The following AOPEP variants were observed in gnomAD, a reference collection of about 807,000 sequenced individuals.
AOPEP encodes aminopeptidase O.
In AOPEP, 77 loss-of-function variants were observed where a neutral mutation model predicts 98.1. The ratio of observed to expected loss-of-function variants is 0.78; its 90% CI spans 0.65 to 0.95. The LOEUF is 0.95. Ranked by LOEUF, AOPEP falls within the 40% of genes least tolerant of loss-of-function variation. The pLI, the probability that AOPEP is intolerant of heterozygous loss-of-function variation, is 0.00. For synonymous variants in AOPEP, 346 were observed against 365.3 expected, an observed-to-expected ratio of 0.95 and a Z score of 0.60; for missense variants, 1,024 against 1,024.7, an observed-to-expected ratio of 1.00 and a Z score of 0.01.
chr9:94,932,056 A>T (rs568800724), intron 7 of AOPEP: 2 of 1,129,708 alleles, frequency 1.8e-6, no homozygotes, highest in Non-Finnish European at 2.2e-6. Flanking sequence ...AGGGATTTAA[A>T]CCCAGGGACG....
At chr9:95,087,595 G>A (rs2070799504), downstream of AOPEP, among the ~76,000 whole-genome samples, 1 of 146,384 alleles carries the variant, frequency 6.8e-6, no homozygotes, top group African/African-American at 2.5e-5. Context: ...GGTAGTGTTA[G>A]TTCTCTTAGA....
intron 16 of AOPEP, chr9:95,085,956 G>T: frequency 7.4e-7 from 1 of 1,344,084 alleles, no homozygotes. Flanking sequence ...TCCTGCGCCA[G>T]CAGACGGTGC....
At chr9:94,856,891 CA>C (rs2044290201) in intron 5 of AOPEP, among the ~76,000 whole-genome samples, 1 of 152,188 alleles carries the variant, frequency 6.6e-6, no homozygotes, top group Admixed American at 6.5e-5. Flanking sequence ...GCCCAACAGA[CA>C]GTACTAGAAG....
intron 5 of AOPEP, among the ~76,000 whole-genome samples, chr9:94,853,860 C>T (rs997693408): frequency 9.9e-5 from 15 of 152,158 alleles, no homozygotes; most frequent in Non-Finnish European, 1.5e-4. Context: ...CCATGGTACA[C>T]GCATGGAGAA....
chr9:94,925,605 C>T (rs1388098224), intron 6 of AOPEP, among the ~76,000 whole-genome samples: 1 of 152,168 alleles, frequency 6.6e-6, no homozygotes, highest in Non-Finnish European at 1.5e-5. Context: ...ATTTCCTTAT[C>T]CTCACACCTG....
At chr9:94,862,361 A>G (rs1356999926) in intron 5 of AOPEP, among the ~76,000 whole-genome samples, 1 of 131,640 alleles carries the variant, frequency 7.6e-6, no homozygotes, top group East Asian at 2.4e-4. Context: ...TCTGGAGCAC[A>G]GATTGATCTC....
At chr9:94,913,392 C>T (rs1315750046) in intron 5 of AOPEP, among the ~76,000 whole-genome samples, 2 of 152,116 alleles carry the variant, frequency 1.3e-5, no homozygotes, top group East Asian at 3.8e-4. Flanking sequence ...CTGAGGATGA[C>T]CATCTGTCAC....
At chr9:94,760,833 A>T (rs1838102998) in intron 2 of AOPEP, 1 of 335,580 alleles carries the variant, frequency 3.0e-6, no homozygotes, top group Non-Finnish European at 5.4e-6. Context: ...AAGAGATTGA[A>T]AGCCATGCTT....
chr9:95,128,418 C>A, the AOPEP span, among the ~76,000 whole-genome samples: 146 of 152,318 alleles, frequency 9.6e-4, no homozygotes, highest in African/African-American at 3.2e-3. Flanking sequence ...TAAGATGAAA[C>A]TTGAAAATGG....
chr9:94,875,166 A>C (rs1420987594), intron 5 of AOPEP, among the ~76,000 whole-genome samples: 1 of 152,024 alleles, frequency 6.6e-6, no homozygotes, highest in African/African-American at 2.4e-5. Flanking sequence ...GCTACCCTTT[A>C]GGGTGTTAAA....
rs533352009 is a variant in AOPEP at position 94,936,075 on chromosome 9, C to T, written c.1661+7544C>T. 1.3e-3 allele frequency among the ~76,000 whole-genome samples: 194 copies of T among 152,310 alleles called. 2 individuals are homozygous for T. Among genetic ancestry groups the T allele is most frequent in the African/African-American group, 4.5e-3 (185 of 41,568 alleles). On this transcript the variant is annotated intron_variant, in intron 7 of 16. Coordinates refer to ENST00000375315, the MANE Select transcript of AOPEP (RefSeq NM_001193329.3). ...TTCTCCACCCCTAATACCACTGTCT[C>T]TCTCTTCACCACTTGCTTGTAGCAG...
intron 9 of AOPEP, among the ~76,000 whole-genome samples, chr9:94,958,397 G>A (rs571575525): frequency 2.4e-4 from 37 of 152,228 alleles, no homozygotes; most frequent in African/African-American, 8.7e-4. Context: ...GTTATTTTCA[G>A]TATATACCCA....
Position 94,745,909 on chromosome 9 carries a change from G to A in AOPEP, c.-135-13740G>A, listed in dbSNP as rs531826577. 3.3e-5 allele frequency among the ~76,000 whole-genome samples: 5 copies of A among 152,206 alleles called. No homozygotes were observed. The South Asian group carries it at 1.0e-3, about 32-fold the overall frequency. ...TAGCAGTGGGATTGATGGAACATAC[G>A]GTATTTCTATTTGTGATTTTTTGAG... On this transcript the variant is annotated intron_variant, in intron 1 of 16. Transcript: ENST00000375315.
chr9:95,085,102 CAG>C (rs1338394974), intron 16 of AOPEP: 2 of 382,110 alleles, frequency 5.2e-6, no homozygotes, highest in African/African-American at 2.1e-5. Flanking sequence ...GAACAACAAA[CAG>C]AAACTCCACC....
At chr9:94,731,790 CT>C (rs564831468) in intron 1 of AOPEP, among the ~76,000 whole-genome samples, 174 of 86,284 alleles carry the variant, frequency 2.0e-3, no homozygotes, top group Middle Eastern at 0.011. Context: ...TCTCTTTTGC[CT>C]TTTTTTTTTT....
chr9:94,993,998 C>T (rs948872330), intron 11 of AOPEP, among the ~76,000 whole-genome samples: 2 of 152,176 alleles, frequency 1.3e-5, no homozygotes. Context: ...TGTCCAAGCG[C>T]TTCCTCTTGT....
chr9:95,089,534 T>C (rs4744442), downstream of AOPEP, among the ~76,000 whole-genome samples: 100,171 of 152,096 alleles, frequency 0.66, 33,860 homozygotes, highest in Non-Finnish European at 0.73. Context: ...CACGCCACAA[T>C]GCCTCCCCAG....
At chr9:95,130,212 T>G in the AOPEP span, among the ~76,000 whole-genome samples, 1 of 152,130 alleles carries the variant, frequency 6.6e-6, no homozygotes, top group African/African-American at 2.4e-5. Context: ...ACTTGCCACT[T>G]GAAAGAGGCC....
intron 2 of AOPEP, among the ~76,000 whole-genome samples, chr9:94,761,811 C>T (rs929394417): frequency 6.6e-6 from 1 of 152,092 alleles, no homozygotes; most frequent in Non-Finnish European, 1.5e-5. Flanking sequence ...TTATAGAATA[C>T]CTTATTAGAT....
Sources: allele counts gnomAD v4.1 joint callset (sites outside exome capture counted in the v4.1 genomes callset), GRCh38; gene constraint gnomAD v4.1.1; transcripts MANE v1.5; gene names NCBI Gene and HGNC (gene_info 2026-07-23, HGNC 2026-07-21).